Variants in AGAP4 observed in about 807,000 individuals in gnomAD.
AGAP4 encodes the protein arf-GAP with GTPase, ANK repeat and PH domain-containing protein 4.
AGAP4 carries 13 observed loss-of-function variants against 60.7 expected under a neutral mutation model. The observed-to-expected ratio is 0.21, with a 90% CI of 0.14 to 0.34. AGAP4 has a LOEUF of 0.34. Among genes scored for constraint, AGAP4 ranks in the 10% least tolerant of loss-of-function variants. The pLI, the probability that AGAP4 is intolerant of heterozygous loss-of-function variation, is 1.00. For synonymous variants in AGAP4, 70 were observed against 339.0 expected (o/e 0.21, Z 8.72); for missense variants, 169 against 884.0 (o/e 0.19, Z 10.26).
chr10:45,851,594 C>A (rs1188458115), upstream of AGAP4, among the ~76,000 whole-genome samples: 1 of 150,788 alleles, frequency 6.6e-6, no homozygotes, highest in East Asian at 2.0e-4. Context: ...AAGTATTTGG[C>A]TGAGAAGAGA....
rs2059018471 is a variant in AGAP4, at chr10:45,847,437, C to T, written c.-90G>A. 1.3e-6 allele frequency: 2 copies of T among 1,533,468 alleles called. No individual in the cohort carries two copies. Among genetic ancestry groups the T allele is most frequent in the South Asian group, 1.2e-5 (1 of 83,990 alleles). The allele number at this position is 1,533,468 out of a possible 1,614,324, so 95.0% of individuals were successfully genotyped here. On this transcript the variant is annotated 5_prime_UTR_variant, in exon 1 of 8. The change creates a new upstream start codon in the 5' untranslated region. Coordinates refer to ENST00000616763, the MANE Select transcript of AGAP4 (RefSeq NM_001276343.3). ...TGTCCTAGGCCGAGGCTATGCTGCA[C>T]TTGCAGAGATGGTCTTCCCGCTCCT...
At chr10:45,834,931 G>A (rs1315523164) in intron 4 of AGAP4, among the ~76,000 whole-genome samples, 1 of 147,138 alleles carries the variant, frequency 6.8e-6, no homozygotes, top group African/African-American at 2.7e-5. Context: ...CCACCACCGT[G>A]CCCGGCTAAC....
At chr10:45,843,988 T>G (rs1439655306) in intron 3 of AGAP4, among the ~76,000 whole-genome samples, 2 of 149,826 alleles carry the variant, frequency 1.3e-5, no homozygotes, top group Non-Finnish European at 2.9e-5. Context: ...ATGTACTTTT[T>G]GGAGCAAGGG....
chr10:45,848,574 T>C (rs2059036724), upstream of AGAP4, among the ~76,000 whole-genome samples: 1 of 151,926 alleles, frequency 6.6e-6, no homozygotes, highest in Non-Finnish European at 1.5e-5. Context: ...GCAGAAGTTG[T>C]TGAGACGGAG....
intron 5 of AGAP4, 92 bp from the exon 6 acceptor site, chr10:45,831,521 G>C: frequency 8.9e-7 from 1 of 1,127,634 alleles, no homozygotes; most frequent in Non-Finnish European, 1.3e-6. Flanking sequence ...AACTCTCCTA[G>C]TGGCCCTGAA....
chr10:45,852,217 TAAAAAAAAA>T (rs781889843), upstream of AGAP4, among the ~76,000 whole-genome samples: 5 of 91,736 alleles, frequency 5.5e-5, no homozygotes, highest in Admixed American at 2.5e-4. Flanking sequence ...GGCCAGACTT[TAAAAAAAAA>T]AAAAAAAAAA....
chr10:45,838,721 C>G (rs2058866730), intron 4 of AGAP4, among the ~76,000 whole-genome samples: 1 of 151,372 alleles, frequency 6.6e-6, no homozygotes, highest in Admixed American at 6.6e-5. Flanking sequence ...AAGGCGCATG[C>G]CACCAGGCCT....
At chr10:45,842,666 A>C (rs1400124475) in intron 3 of AGAP4, among the ~76,000 whole-genome samples, 1 of 146,314 alleles carries the variant, frequency 6.8e-6, no homozygotes, top group East Asian at 2.0e-4. Flanking sequence ...GACTTGGGCC[A>C]TGCTTTGTTT....
At chr10:45,838,672 A>G (rs1424006456) in intron 4 of AGAP4, among the ~76,000 whole-genome samples, 11 of 151,058 alleles carry the variant, frequency 7.3e-5, no homozygotes, top group African/African-American at 2.4e-4. Flanking sequence ...CCTGAGCTCA[A>G]GCGATCCTCT....
In AGAP4 at chr10:45,829,857, G is replaced by C. The variant is rs1270634018; in HGVS notation, c.533+1537C>G. On this transcript the variant is annotated intron_variant, in intron 6 of 7. Transcript: ENST00000616763. ...GCAGCTTTTCAATACTTAAAGGCGT[G>C]TTAAAGAAAGATTGGTGGTTAAACT... is the stretch of plus-strand genomic sequence containing the variant. Among the ~76,000 whole-genome samples, 3 of 150,434 alleles carry C rather than the reference G, an allele frequency of 2.0e-5. 1 individual carries two copies. The highest frequency in any genetic ancestry group is 4.9e-5 in the African/African-American group (2 of 41,228).
rs1302101967 is a variant in AGAP4, at chr10:45,828,378, T to A, written c.534-298A>T. 1.1e-3 allele frequency among the ~76,000 whole-genome samples: 166 copies of A among 150,132 alleles called. 11 individuals carry two copies. The highest frequency in any genetic ancestry group is 1.7e-3 in the South Asian group (8 of 4,650). On this transcript the variant is annotated intron_variant, in intron 6 of 7. Coordinates refer to ENST00000616763, the MANE Select transcript of AGAP4 (RefSeq NM_001276343.3). Reference sequence around the variant, plus strand: ...ATATTTTCACTCTTCTAACCACACATTGAAACACAAGAATGTTCTACAAAG... The same window carrying A: ...ATATTTTCACTCTTCTAACCACACAATGAAACACAAGAATGTTCTACAAAG...
At position 45,843,921 on chromosome 10, in the gene AGAP4, T is replaced by C. The variant is rs1466242598; in HGVS notation, c.361+405A>G. ...TTCAATCCCTGATGATAAACGACTA[T>C]GTTTTTTAATTTGTTTAAATGAAAA... On this transcript the variant is annotated intron_variant, in intron 3 of 7. Transcript: ENST00000616763. Among the ~76,000 whole-genome samples the C allele has an allele frequency of 3.3e-5, 5 of 150,174 alleles. 1 individual carries two copies. The highest frequency in any genetic ancestry group is 3.9e-4 in the East Asian group (2 of 5,184).
At chr10:45,846,057 G>A (rs1408628548) in intron 2 of AGAP4, among the ~76,000 whole-genome samples, 43 of 135,396 alleles carry the variant, frequency 3.2e-4, no homozygotes, top group East Asian at 1.8e-3. Flanking sequence ...CTACATTGAC[G>A]TTTCATGTCT....
intron 5 of AGAP4, 38 bp from the exon 6 acceptor site, chr10:45,831,467 C>T: frequency 1.9e-6 from 3 of 1,586,026 alleles, no homozygotes; most frequent in Non-Finnish European, 2.6e-6. Context: ...TAGATGTTAA[C>T]ATTTGTTAGG....
At chr10:45,834,836 C>A (rs1176987965) in intron 4 of AGAP4, among the ~76,000 whole-genome samples, 1 of 145,918 alleles carries the variant, frequency 6.9e-6, no homozygotes, top group Non-Finnish European at 1.5e-5. Context: ...TGCAGTGGCG[C>A]GATCTCGGCT....
chr10:45,851,227 T>C (rs1319081677), upstream of AGAP4, among the ~76,000 whole-genome samples: 1 of 151,930 alleles, frequency 6.6e-6, no homozygotes, highest in South Asian at 2.1e-4. Flanking sequence ...ACCTGGAGAA[T>C]AGGGTGATTT....
At chr10:45,844,418 A>G (rs1427546082) in intron 2 of AGAP4, 24 bp from the exon 3 acceptor site, 1 of 1,593,480 alleles carries the variant, frequency 6.3e-7, no homozygotes, top group African/African-American at 1.4e-5. Context: ...GGAAGAAAAG[A>G]AAAAAAGATG....
In AGAP4 at chr10:45,847,413, G is replaced by A. The variant is rs2059018131; in HGVS notation, c.-66C>T. The A allele has an allele frequency of 5.2e-6, 8 of 1,547,480 alleles. No homozygotes were observed. Among genetic ancestry groups the A allele is most frequent in the Non-Finnish European group, 6.9e-6 (8 of 1,153,098 alleles). On this transcript the variant is annotated 5_prime_UTR_variant, in exon 1 of 8. Coordinates refer to ENST00000616763, the MANE Select transcript of AGAP4 (RefSeq NM_001276343.3). Reference sequence around the variant, plus strand: ...ACAGCTTTGGCCACGCACTCCCGCTGTCCTAGGCCGAGGCTATGCTGCACT... The same window carrying A: ...ACAGCTTTGGCCACGCACTCCCGCTATCCTAGGCCGAGGCTATGCTGCACT...
chr10:45,839,981 C>T lies in AGAP4; in HGVS notation c.396+1672G>A, dbSNP rs71248568. 6.2e-4 allele frequency among the ~76,000 whole-genome samples: 93 copies of T among 150,202 alleles called. 1 individual carries two copies. The highest frequency in any genetic ancestry group is 2.4e-3 in the East Asian group (12 of 5,088). On this transcript the variant is annotated intron_variant, in intron 4 of 7. Coordinates refer to ENST00000616763, the MANE Select transcript of AGAP4 (RefSeq NM_001276343.3). The stretch of plus-strand genomic sequence containing the variant: ...AAAATTAAAAATCAATGCAGGCGTA[C>T]TGGTCTAAGCAGCCTAGCATCTGAA...
Sources: gnomAD v4.1 joint callset for allele counts (sites outside exome capture counted in the v4.1 genomes callset) on GRCh38, gnomAD v4.1.1 for gene constraint, MANE v1.5 for transcripts, NCBI Gene and HGNC (gene_info 2026-07-23, HGNC 2026-07-21) for gene names.